Variants in EYS observed in about 807,000 individuals in gnomAD.
EYS encodes protein eyes shut homolog.
In EYS, 250 loss-of-function variants were observed where a neutral mutation model predicts 282.1. That is an observed-to-expected ratio of 0.89 (90% CI 0.80 to 0.98). The LOEUF (loss-of-function observed/expected upper bound fraction) is 0.98, where lower values mean the gene tolerates loss of function less well. Among genes scored for constraint, EYS ranks in the 50% least tolerant of loss-of-function variants. The probability of loss-of-function intolerance (pLI) is 0.00; values close to 1 mark genes in which losing one functional copy is unlikely to be tolerated. For missense variants in EYS, 4,016 were observed against 3,709.0 expected, an observed-to-expected ratio of 1.08 and a Z score of -2.15; for synonymous variants, 1,355 against 1,282.9, an observed-to-expected ratio of 1.06 and a Z score of -1.20.
intron 12 of EYS, among the ~76,000 whole-genome samples, chr6:65,283,133 CT>C (rs1022374726): frequency 2.0e-5 from 3 of 151,774 alleles, no homozygotes; most frequent in African/African-American, 7.2e-5. Flanking sequence ...ACTAATTTTT[CT>C]TTTTTCCCAC....
intron 31 of EYS, among the ~76,000 whole-genome samples, chr6:64,217,239 G>T (rs1765957780): frequency 6.6e-6 from 1 of 152,096 alleles, no homozygotes; most frequent in African/African-American, 2.4e-5. Flanking sequence ...GAAATGAACT[G>T]CAGAAAGAGC....
Position 63,766,894 on chromosome 6 carries a change from T to C in EYS, c.7899-4261A>G, listed in dbSNP as rs1769803045. On this transcript the variant is annotated intron_variant, in intron 40 of 42. Transcript: ENST00000503581. ...GGAAAACATAAAGAATCCACTTTTA[T>C]AAGCTTTATTCCTGGGATGGAGACT... Among the ~76,000 whole-genome samples, 6 of 152,042 alleles carry C rather than the reference T, an allele frequency of 3.9e-5. 1 individual carries two copies. The highest frequency in any genetic ancestry group is 3.3e-4 in the Admixed American group (5 of 15,228).
intron 41 of EYS, among the ~76,000 whole-genome samples, chr6:63,747,777 T>G (rs1044123563): frequency 6.6e-6 from 1 of 151,658 alleles, no homozygotes; most frequent in Admixed American, 6.6e-5. Context: ...CAACCTCTGC[T>G]TATTTTTGCT....
chr6:64,270,881 TTTTA>T (rs1166620313), intron 30 of EYS, among the ~76,000 whole-genome samples: 11 of 152,306 alleles, frequency 7.2e-5, no homozygotes, highest in African/African-American at 2.2e-4. Flanking sequence ...TAGTTGTTAA[TTTTA>T]TTTGTGTTTA....
At chr6:64,563,401 G>GT (rs1765464058) in intron 26 of EYS, among the ~76,000 whole-genome samples, 1 of 151,934 alleles carries the variant, frequency 6.6e-6, no homozygotes, top group African/African-American at 2.4e-5. Context: ...ACAAACACGA[G>GT]TATAATCATT....
At chr6:64,370,933 G>A (rs527658712) in intron 29 of EYS, among the ~76,000 whole-genome samples, 20 of 152,018 alleles carry the variant, frequency 1.3e-4, no homozygotes, top group Non-Finnish European at 2.4e-4. Context: ...CTAGCTAGCA[G>A]TCTATCTATC....
chr6:64,186,630 A>G (rs781005649), intron 31 of EYS, among the ~76,000 whole-genome samples: 2 of 152,104 alleles, frequency 1.3e-5, no homozygotes, highest in Non-Finnish European at 2.9e-5. Flanking sequence ...TGTAAACAGA[A>G]ACAAATTTGA....
intron 26 of EYS, among the ~76,000 whole-genome samples, chr6:64,517,879 C>T (rs1777613441): frequency 2.0e-5 from 3 of 151,974 alleles, no homozygotes; most frequent in South Asian, 4.1e-4. Flanking sequence ...TTTCTTTTTA[C>T]GTGGCAAACA....
At chr6:64,795,706 T>G (rs1414939230) in intron 22 of EYS, among the ~76,000 whole-genome samples, 1 of 152,348 alleles carries the variant, frequency 6.6e-6, no homozygotes, top group South Asian at 2.1e-4. Context: ...TTTTTGACAC[T>G]TTTAATGAAC....
chr6:64,732,368 T>G (rs1262135696), intron 22 of EYS, among the ~76,000 whole-genome samples: 3 of 152,178 alleles, frequency 2.0e-5, no homozygotes, highest in African/African-American at 7.2e-5. Context: ...CTGTAAATGT[T>G]TTAACACACT....
At chr6:64,584,453 T>C (rs1310107962) in intron 26 of EYS, among the ~76,000 whole-genome samples, 1 of 151,768 alleles carries the variant, frequency 6.6e-6, no homozygotes, top group East Asian at 1.9e-4. Flanking sequence ...ATTGAAATTA[T>C]ATTTTAATGC....
chr6:65,172,189 G>C (rs1258974644), intron 12 of EYS, among the ~76,000 whole-genome samples: 1 of 150,926 alleles, frequency 6.6e-6, no homozygotes, highest in African/African-American at 2.4e-5. Context: ...TTGTACTTTT[G>C]ATTAAAATAA....
intron 29 of EYS, among the ~76,000 whole-genome samples, chr6:64,334,660 A>G (rs1249587300): frequency 6.6e-6 from 1 of 152,160 alleles, no homozygotes; most frequent in African/African-American, 2.4e-5. Context: ...CATACAGGCA[A>G]CCCAGAGGAG....
intron 32 of EYS, among the ~76,000 whole-genome samples, chr6:64,067,156 G>C (rs991632590): frequency 1.3e-5 from 2 of 151,854 alleles, no homozygotes; most frequent in Non-Finnish European, 2.9e-5. Context: ...ATTCATAAAT[G>C]GCTTCATTCA....
At chr6:64,073,491 C>T (rs1259997700) in intron 32 of EYS, among the ~76,000 whole-genome samples, 1 of 151,538 alleles carries the variant, frequency 6.6e-6, no homozygotes, top group Non-Finnish European at 1.5e-5. Flanking sequence ...CTGGTTTTTC[C>T]AAACAGTATT....
At chr6:65,494,261 A>AT (rs1454304422) in intron 4 of EYS, among the ~76,000 whole-genome samples, 3 of 150,976 alleles carry the variant, frequency 2.0e-5, no homozygotes, top group African/African-American at 2.4e-5. Context: ...ATTTTTATTT[A>AT]TTTATTTTAT....
At chr6:64,303,463 G>C (rs1769307565) in intron 30 of EYS, among the ~76,000 whole-genome samples, 1 of 152,284 alleles carries the variant, frequency 6.6e-6, no homozygotes, top group South Asian at 2.1e-4. Flanking sequence ...TAACAGAAAA[G>C]GGGGAGATAC....
chr6:64,524,174 T>C (rs903174046), intron 26 of EYS, among the ~76,000 whole-genome samples: 6 of 151,754 alleles, frequency 4.0e-5, no homozygotes, highest in African/African-American at 7.3e-5. Context: ...TTTGTCCATA[T>C]ACACACAGAA....
intron 26 of EYS, among the ~76,000 whole-genome samples, chr6:64,523,155 T>C (rs947011652): frequency 4.0e-5 from 6 of 151,728 alleles, no homozygotes; most frequent in African/African-American, 1.4e-4. Context: ...CTTGTTTTGC[T>C]ACTCATGGTT....
Sources: gnomAD v4.1 joint callset for allele counts (sites outside exome capture counted in the v4.1 genomes callset) on GRCh38, gnomAD v4.1.1 for gene constraint, MANE v1.5 for transcripts, NCBI Gene and HGNC (gene_info 2026-07-23, HGNC 2026-07-21) for gene names.